DPP6: variants seen among roughly 807,000 people sequenced by gnomAD.
DPP6 encodes the protein A-type potassium channel modulatory protein DPP6.
DPP6 carries 69 observed loss-of-function variants against 122.6 expected under a neutral mutation model. The ratio of observed to expected loss-of-function variants is 0.56; its 90% CI spans 0.46 to 0.69. The LOEUF is 0.69. Ranked by LOEUF, DPP6 falls within the 30% of genes least tolerant of loss-of-function variation. The pLI is 0.00. For synonymous variants in DPP6, 418 were observed against 433.1 expected, an observed-to-expected ratio of 0.97 and a Z score of 0.43; for missense variants, 928 against 1,116.9, an observed-to-expected ratio of 0.83 and a Z score of 2.41.
chr7:154,477,474 T>C (rs1250100421), intron 3 of DPP6, among the ~76,000 whole-genome samples: 3 of 151,986 alleles, frequency 2.0e-5, no homozygotes. Context: ...CTATAAGGTA[T>C]ATATTTTTAT....
chr7:154,132,244 T>C (rs1359847246), intron 1 of DPP6, among the ~76,000 whole-genome samples: 1 of 152,218 alleles, frequency 6.6e-6, no homozygotes, highest in Non-Finnish European at 1.5e-5. Context: ...TGGCTTAATA[T>C]TGATCTGACT....
intron 1 of DPP6, 32 bp from the exon 2 acceptor site, chr7:154,446,182 A>C (rs1819851194): frequency 7.2e-7 from 1 of 1,382,894 alleles, no homozygotes; most frequent in Non-Finnish European, 1.0e-6. Flanking sequence ...TATTTCACTC[A>C]CTGGGGTTTT....
chr7:153,988,676 T>TG (rs1796968861), intron 1 of DPP6, among the ~76,000 whole-genome samples: 1 of 152,172 alleles, frequency 6.6e-6, no homozygotes, highest in Non-Finnish European at 1.5e-5. Context: ...TGCTTCCTGG[T>TG]CGATGGCACG....
intron 12 of DPP6, among the ~76,000 whole-genome samples, chr7:154,796,905 G>A (rs1460497690): frequency 6.6e-6 from 1 of 152,212 alleles, no homozygotes; most frequent in Non-Finnish European, 1.5e-5. Context: ...TTATTCACAA[G>A]AGGAATGGTT....
chr7:154,794,260 C>T, intron 11 of DPP6, 58 bp downstream of exon 11: 1 of 1,504,392 alleles, frequency 6.6e-7, no homozygotes. Context: ...GTCAGACGCG[C>T]CCGAGGTGGC....
chr7:154,182,564 A>G (rs1420910166), intron 1 of DPP6, among the ~76,000 whole-genome samples: 1 of 151,996 alleles, frequency 6.6e-6, no homozygotes, highest in Non-Finnish European at 1.5e-5. Context: ...TGCCCGGGGG[A>G]GGTGGGCTGG....
chr7:154,391,665 C>T (rs1814630344), intron 1 of DPP6, among the ~76,000 whole-genome samples: 1 of 152,200 alleles, frequency 6.6e-6, no homozygotes, highest in Non-Finnish European at 1.5e-5. Flanking sequence ...CTTCTAGCCT[C>T]TCACCAGCTC....
chr7:154,215,732 CATG>C (rs1585652004), intron 1 of DPP6, among the ~76,000 whole-genome samples: 1 of 152,026 alleles, frequency 6.6e-6, no homozygotes, highest in Admixed American at 6.6e-5. Flanking sequence ...CCAGAATCAA[CATG>C]ATGAGGAGAT....
chr7:154,018,385 C>T (rs375100665), intron 1 of DPP6, among the ~76,000 whole-genome samples: 10 of 152,162 alleles, frequency 6.6e-5, no homozygotes, highest in Admixed American at 1.3e-4. Context: ...GAGTGGACAC[C>T]GGAGACCATT....
intron 1 of DPP6, among the ~76,000 whole-genome samples, chr7:154,054,276 G>A (rs1218392377): frequency 1.3e-5 from 2 of 152,184 alleles, no homozygotes; most frequent in African/African-American, 4.8e-5. Context: ...CTGGTTCCCT[G>A]TTTCGTATTT....
chr7:154,040,369 G>A (rs185177003), intron 1 of DPP6, among the ~76,000 whole-genome samples: 7 of 150,112 alleles, frequency 4.7e-5, no homozygotes, highest in Non-Finnish European at 8.8e-5. Context: ...AAAAACACAC[G>A]AGGTCTAAAT....
chr7:154,505,908 T>C (rs181130373), intron 3 of DPP6, among the ~76,000 whole-genome samples: 1 of 152,320 alleles, frequency 6.6e-6, no homozygotes, highest in Non-Finnish European at 1.5e-5. Context: ...TGCTCTTTCT[T>C]CTTGAGAGCA....
intron 1 of DPP6, among the ~76,000 whole-genome samples, chr7:154,196,037 G>C (rs1021991977): frequency 6.6e-6 from 1 of 152,192 alleles, no homozygotes; most frequent in African/African-American, 2.4e-5. Context: ...TGTGCCACCA[G>C]ATCAGTTTCT....
At chr7:154,028,586 C>T (rs28472276) in intron 1 of DPP6, among the ~76,000 whole-genome samples, 6,592 of 151,412 alleles carry the variant, frequency 0.044, 301 homozygotes, top group African/African-American at 0.15. Flanking sequence ...TTGCCCACAT[C>T]TTCTCATCTT....
chr7:154,739,542 A>G (rs1456133026), intron 8 of DPP6, among the ~76,000 whole-genome samples: 1 of 152,212 alleles, frequency 6.6e-6, no homozygotes, highest in African/African-American at 2.4e-5. Flanking sequence ...CATGTCCCCC[A>G]TGGAATCATC....
At chr7:153,971,659 C>T (rs1443932172) in intron 1 of DPP6, among the ~76,000 whole-genome samples, 2 of 137,838 alleles carry the variant, frequency 1.5e-5, no homozygotes, top group Admixed American at 7.5e-5. Context: ...TCCTTGCATG[C>T]GTTCTATGAA....
At chr7:154,613,549 G>T (rs951081872) in intron 5 of DPP6, among the ~76,000 whole-genome samples, 1 of 139,388 alleles carries the variant, frequency 7.2e-6, no homozygotes, top group African/African-American at 2.7e-5. Flanking sequence ...AACCCAGGAG[G>T]CAGAGGTTGT....
chr7:154,667,831 C>G (rs953293063), intron 6 of DPP6, among the ~76,000 whole-genome samples: 1 of 152,064 alleles, frequency 6.6e-6, no homozygotes, highest in Non-Finnish European at 1.5e-5. Context: ...GCCTTCCCAG[C>G]TGGTTTCTAA....
chr7:154,394,944 T>C (rs74657374), intron 1 of DPP6, among the ~76,000 whole-genome samples: 4,264 of 152,344 alleles, frequency 0.028, 191 homozygotes, highest in African/African-American at 0.098. Context: ...GGGATTGCGA[T>C]AGAGATGGTG....
Sources: allele counts gnomAD v4.1 joint callset (sites outside exome capture counted in the v4.1 genomes callset), GRCh38; gene constraint gnomAD v4.1.1; transcripts MANE v1.5; gene names NCBI Gene and HGNC (gene_info 2026-07-23, HGNC 2026-07-21).